Variants in OXNAD1 observed in about 807,000 individuals in gnomAD.
OXNAD1 encodes the protein oxidoreductase NAD binding domain containing 1, also known as oxidoreductase NAD-binding domain-containing protein 1.
OXNAD1 carries 34 observed loss-of-function variants against 32.9 expected under a neutral mutation model. The ratio of observed to expected loss-of-function variants is 1.03; its 90% CI spans 0.79 to 1.38. The LOEUF is 1.38. OXNAD1 is among the 40% of genes most tolerant of loss of function. The probability of loss-of-function intolerance (pLI) is 0.00; values close to 1 mark genes in which losing one functional copy is unlikely to be tolerated. For synonymous variants in OXNAD1, 134 were observed against 135.2 expected, an observed-to-expected ratio of 0.99 and a Z score of 0.06; for missense variants, 407 against 379.4, an observed-to-expected ratio of 1.07 and a Z score of -0.60.
In OXNAD1 at chr3:16,288,363, T is replaced by TG. The variant is rs1160666058; in HGVS notation, c.290+1919dup. ...AGAGGGTTGCTGTTGGGCTTATCTT[T>TG]GGGGTAAGAGATTGGGCCGTGATTC... On this transcript the variant is annotated intron_variant, in intron 5 of 8. Coordinates refer to ENST00000285083, the MANE Select transcript of OXNAD1 (RefSeq NM_138381.5). The surrounding 1 kb of genome is among the most constrained non-coding windows in gnomAD (Gnocchi z 5.1). 2.6e-5 allele frequency among the ~76,000 whole-genome samples: 4 copies of TG among 152,162 alleles called. No homozygotes were observed. The highest frequency in any genetic ancestry group is 9.7e-5 in the African/African-American group (4 of 41,420).
chr3:16,313,866 T>C (rs2068143512), intron 9 of OXNAD1, among the ~76,000 whole-genome samples: 1 of 152,192 alleles, frequency 6.6e-6, no homozygotes, highest in Admixed American at 6.5e-5. Context: ...TGTGGCTATA[T>C]GCACTTCAGA....
In OXNAD1 at chr3:16,314,097, G is replaced by C. The variant is rs2068163889; in HGVS notation, c.*30+10505G>C. Among the ~76,000 whole-genome samples, 1 of 151,832 alleles carries C rather than the reference G, an allele frequency of 6.6e-6. No homozygotes were observed. The highest frequency in any genetic ancestry group is 6.6e-5 in the Admixed American group (1 of 15,246). ...ATAACCACCTGATCACAGTGGGTTT[G>C]CAGGACTCCCCTGCAAACCCACTGT... On this transcript the variant is annotated intron_variant, in intron 9 of 9. Coordinates refer to the OXNAD1 transcript ENST00000435829. This position sits in a 1 kb window ranked among gnomAD's most constrained non-coding sequence, Gnocchi z 4.4.
At position 16,345,817 on chromosome 3, in the gene OXNAD1, T is replaced by TGTGTGTGTGTGTGTGTGTGC. The variant is rs1160939614; in HGVS notation, c.*31-3358_*31-3357insTGTGTGTGTGTGTGTGTGCG. On this transcript the variant is annotated intron_variant, in intron 9 of 9. Transcript: ENST00000606098. This position sits in a 1 kb window ranked among gnomAD's most constrained non-coding sequence, Gnocchi z 5.2. ...GTGTGTGTGTGTGTGTGTGTGTGTGTGCGCGCGCGCGTGCGCGCACGCGCA... is the reference window on the plus strand; with the variant it reads ...GTGTGTGTGTGTGTGTGTGTGTGTGTGTGTGTGTGTGTGTGTGTGCGCGCGCGCGCGTGCGCGCACGCGCA... Among the ~76,000 whole-genome samples, 9 of 74,610 alleles carry TGTGTGTGTGTGTGTGTGTGC rather than the reference T, an allele frequency of 1.2e-4. No homozygotes were observed. Among genetic ancestry groups the TGTGTGTGTGTGTGTGTGTGC allele is most frequent in the African/African-American group, 5.0e-4 (9 of 18,176 alleles). The allele number at this position is 74,610 out of a possible 152,430, so 48.9% of individuals were successfully genotyped here.
In OXNAD1 at chr3:16,302,515, T is replaced by C. The variant is rs1441381384; in HGVS notation, c.676-125T>C. 1.5e-6 allele frequency: 1 copy of C among 674,286 alleles called. No homozygotes were observed. Among genetic ancestry groups the C allele is most frequent in the Admixed American group, 2.5e-5 (1 of 39,322 alleles). The allele number at this position is 674,286 out of a possible 1,614,324, so 41.8% of individuals were successfully genotyped here. A position where few individuals can be genotyped will look rare whatever the true frequency, so the allele number is the denominator to read the frequency against. On this transcript the variant is annotated intron_variant, in intron 7 of 8. Coordinates refer to ENST00000285083, the MANE Select transcript of OXNAD1 (RefSeq NM_138381.5). This position sits in a 1 kb window ranked among gnomAD's most constrained non-coding sequence, Gnocchi z 4.2. ...CCTGCTAGGCTGCAAACAATATCTCTCTAAGTAGAGAGCGAGAGCGGCAGA... is the reference window on the plus strand; with the variant it reads ...CCTGCTAGGCTGCAAACAATATCTCCCTAAGTAGAGAGCGAGAGCGGCAGA...
Position 16,287,781 on chromosome 3 carries a change from C to T in OXNAD1, c.290+1333C>T, listed in dbSNP as rs886526919. Among the ~76,000 whole-genome samples, 1 of 152,186 alleles carries T rather than the reference C, an allele frequency of 6.6e-6. No homozygotes were observed. The highest frequency in any genetic ancestry group is 6.5e-5 in the Admixed American group (1 of 15,274). On this transcript the variant is annotated intron_variant, in intron 5 of 8. Transcript: ENST00000285083. This position sits in a 1 kb window ranked among gnomAD's most constrained non-coding sequence, Gnocchi z 4.8. ...CCTCAGTTACCTGATAAGAAAATGT[C>T]CTCATTCCCTAGTGATATTTGTAGA...
chr3:16,327,055 A>G lies in OXNAD1; in HGVS notation c.*31-10057A>G, dbSNP rs909673686. On this transcript the variant is annotated intron_variant, in intron 9 of 9. Transcript: ENST00000435829. The surrounding 1 kb of genome is among the most constrained non-coding windows in gnomAD (Gnocchi z 4.2). ...TTTAAAAGTTTGGAGTCAAACTGCC[A>G]ACATGGGATTTCCTTCTGGGCCCCA... Among the ~76,000 whole-genome samples, 8 of 152,236 alleles carry G rather than the reference A, an allele frequency of 5.3e-5. No individual in the cohort carries two copies. Among genetic ancestry groups the G allele is most frequent in the African/African-American group, 1.4e-4 (6 of 41,464 alleles).
rs2070032650 is a variant in OXNAD1, at chr3:16,329,133, C to G, written c.*31-7979C>G. Reference sequence around the variant, plus strand: ...AACTCAGGCAAAGGGCTTGAGGCTACAAGTTCAGTCTCCTGCTCTCTCCCC... The same window carrying G: ...AACTCAGGCAAAGGGCTTGAGGCTAGAAGTTCAGTCTCCTGCTCTCTCCCC... On this transcript the variant is annotated intron_variant, in intron 9 of 9. Coordinates refer to the OXNAD1 transcript ENST00000435829. The surrounding 1 kb of genome is among the most constrained non-coding windows in gnomAD (Gnocchi z 4.5). Among the ~76,000 whole-genome samples the G allele has an allele frequency of 1.3e-5, 2 of 152,222 alleles. No individual in the cohort carries two copies. Among genetic ancestry groups the G allele is most frequent in the African/African-American group, 2.4e-5 (1 of 41,462 alleles).
At position 16,314,093 on chromosome 3, in the gene OXNAD1, G is replaced by A. The variant is rs1006729438; in HGVS notation, c.*30+10501G>A. ...CCTGATAACCACCTGATCACAGTGG[G>A]TTTGCAGGACTCCCCTGCAAACCCA... On this transcript the variant is annotated intron_variant, in intron 9 of 9. Transcript: ENST00000435829. The surrounding 1 kb of genome is among the most constrained non-coding windows in gnomAD (Gnocchi z 4.4). Among the ~76,000 whole-genome samples the A allele has an allele frequency of 2.0e-5, 3 of 151,624 alleles. No homozygotes were observed. Among genetic ancestry groups the A allele is most frequent in the Non-Finnish European group, 4.4e-5 (3 of 67,916 alleles).
At chr3:16,323,302 C>T in intron 9 of OXNAD1, 1 of 1,164,552 alleles carries the variant, frequency 8.6e-7, no homozygotes. Flanking sequence ...GCTGCCCCCT[C>T]AAATGCTGCA....
rs2067498851 is a variant in OXNAD1, at chr3:16,305,678, C to T, written c.*2116C>T. 1 of 152,218 alleles carries T rather than the reference C, an allele frequency of 6.6e-6. No individual in the cohort carries two copies. Among genetic ancestry groups the T allele is most frequent in the African/African-American group, 2.4e-5 (1 of 41,448 alleles). The allele number at this position is 152,218 out of a possible 1,614,324, so 9.4% of individuals were successfully genotyped here. ...CTCGAAAGCCCTTGAGCCAGATTGC[C>T]TGGGTTCAGATCTCACCTATACTAC... is the stretch of plus-strand genomic sequence containing the variant. On this transcript the variant is annotated 3_prime_UTR_variant, in exon 9 of 9. Transcript: ENST00000285083. The surrounding 1 kb of genome is among the most constrained non-coding windows in gnomAD (Gnocchi z 4.5).
In OXNAD1 at chr3:16,316,864, C is replaced by T. The variant is rs770583419; in HGVS notation, c.*30+13272C>T. 5 of 1,614,098 alleles carry T rather than the reference C, an allele frequency of 3.1e-6. No individual in the cohort carries two copies. The Admixed American group carries it at 8.3e-5, about 27-fold the overall frequency. ...CAACCGTACCAAGCTCTCTGACTTC[C>T]TCAGCATCCCCGTCCCTGGCATCCT... On this transcript the variant is annotated intron_variant, in intron 9 of 9. Transcript: ENST00000435829. This position sits in a 1 kb window ranked among gnomAD's most constrained non-coding sequence, Gnocchi z 4.5.
Position 16,314,087 on chromosome 3 carries a change from C to G in OXNAD1, c.*30+10495C>G, listed in dbSNP as rs1291061491. 1.3e-5 allele frequency among the ~76,000 whole-genome samples: 2 copies of G among 151,992 alleles called. No individual in the cohort carries two copies. Among genetic ancestry groups the G allele is most frequent in the East Asian group, 3.9e-4 (2 of 5,164 alleles). On this transcript the variant is annotated intron_variant, in intron 9 of 9. Coordinates refer to the OXNAD1 transcript ENST00000435829. This position sits in a 1 kb window ranked among gnomAD's most constrained non-coding sequence, Gnocchi z 4.4. ...CAATCACCTGATAACCACCTGATCACAGTGGGTTTGCAGGACTCCCCTGCA... is the reference window on the plus strand; with the variant it reads ...CAATCACCTGATAACCACCTGATCAGAGTGGGTTTGCAGGACTCCCCTGCA...
intron 9 of OXNAD1, among the ~76,000 whole-genome samples, chr3:16,343,992 C>T (rs553636484): frequency 6.6e-6 from 1 of 150,682 alleles, no homozygotes; most frequent in East Asian, 2.0e-4. Context: ...AGGGTCTCAG[C>T]AGAGAGTGAG....
intron 6 of OXNAD1, among the ~76,000 whole-genome samples, chr3:16,300,265 A>G (rs919558803): frequency 2.6e-5 from 4 of 152,236 alleles, no homozygotes; most frequent in African/African-American, 7.2e-5. Context: ...AAAGTGATCC[A>G]TAATCAAAGA....
rs1020309979 is a variant in OXNAD1 at position 16,288,359 on chromosome 3, T to A, written c.290+1911T>A. On this transcript the variant is annotated intron_variant, in intron 5 of 8. Transcript: ENST00000285083. This position sits in a 1 kb window ranked among gnomAD's most constrained non-coding sequence, Gnocchi z 5.1. ...AAGGAGAGGGTTGCTGTTGGGCTTA[T>A]CTTTGGGGTAAGAGATTGGGCCGTG... Among the ~76,000 whole-genome samples the A allele has an allele frequency of 6.6e-6, 1 of 152,172 alleles. No individual in the cohort carries two copies. Among genetic ancestry groups the A allele is most frequent in the African/African-American group, 2.4e-5 (1 of 41,440 alleles).
chr3:16,322,640 G>T lies in OXNAD1; in HGVS notation c.*31-14472G>T, dbSNP rs1356979949. Among the ~76,000 whole-genome samples the T allele has an allele frequency of 6.6e-6, 1 of 152,200 alleles. No homozygotes were observed. The highest frequency in any genetic ancestry group is 1.5e-5 in the Non-Finnish European group (1 of 68,034). On this transcript the variant is annotated intron_variant, in intron 9 of 9. Transcript: ENST00000435829. This position sits in a 1 kb window ranked among gnomAD's most constrained non-coding sequence, Gnocchi z 6.2. ...AAAGCACCACAGGCTGCTCAGGGTG[G>T]GGTGGGAAGCATCAGAATCATCTGG... is the stretch of plus-strand genomic sequence containing the variant.
chr3:16,312,318 G>A lies in OXNAD1; in HGVS notation c.*30+8726G>A, dbSNP rs184300172. On this transcript the variant is annotated intron_variant, in intron 9 of 9. Coordinates refer to the OXNAD1 transcript ENST00000435829. This position sits in a 1 kb window ranked among gnomAD's most constrained non-coding sequence, Gnocchi z 4.7. ...GGGAAGCTGCATCAGTGGTTTTGGC[G>A]GGTCATAGTGCAGGCAGAGCACTAA... is the stretch of plus-strand genomic sequence containing the variant. 1.3e-5 allele frequency among the ~76,000 whole-genome samples: 2 copies of A among 152,260 alleles called. No homozygotes were observed. The highest frequency in any genetic ancestry group is 1.9e-4 in the East Asian group (1 of 5,176).
At chr3:16,275,603 T>C (rs1219461402) in intron 4 of OXNAD1, 1 of 160,936 alleles carries the variant, frequency 6.2e-6, no homozygotes, top group South Asian at 1.8e-4. Context: ...GAATCTTCCA[T>C]AGTTTACATC....
intron 9 of OXNAD1, chr3:16,323,286 G>A: frequency 1.1e-6 from 1 of 938,794 alleles, no homozygotes; most frequent in Non-Finnish European, 1.7e-6. Flanking sequence ...TTGGAAGCTG[G>A]AGCAGGCTGC....
Sources: allele counts gnomAD v4.1 joint callset (sites outside exome capture counted in the v4.1 genomes callset), GRCh38; gene constraint gnomAD v4.1.1; non-coding constraint Gnocchi (gnomAD v3.1); transcripts MANE v1.5; gene names NCBI Gene and HGNC (gene_info 2026-07-23, HGNC 2026-07-21).